The following NLRC5 variants were observed in gnomAD, a reference collection of about 807,000 sequenced individuals.
The protein encoded by NLRC5 is NLR family CARD domain containing 5.
In NLRC5, 114 loss-of-function variants were observed where a neutral mutation model predicts 206.9. The observed-to-expected ratio is 0.55, with a 90% CI of 0.47 to 0.64. NLRC5 has a LOEUF of 0.64. Among genes scored for constraint, NLRC5 ranks in the 30% least tolerant of loss-of-function variants. The probability of loss-of-function intolerance (pLI) is 0.00; values close to 1 mark genes in which losing one functional copy is unlikely to be tolerated. For missense variants in NLRC5, 2,008 were observed against 2,305.5 expected, an observed-to-expected ratio of 0.87 and a Z score of 2.64; for synonymous variants, 952 against 962.8, an observed-to-expected ratio of 0.99 and a Z score of 0.21.
intron 41 of NLRC5, 93 bp from the exon 42 acceptor site, chr16:57,077,626 C>A: frequency 4.7e-6 from 6 of 1,268,354 alleles, no homozygotes; most frequent in Non-Finnish European, 6.6e-6. Flanking sequence ...GTCTCTTAGG[C>A]CCCCTGAAGC....
chr16:57,070,601 G>A lies in NLRC5; in HGVS notation c.4650G>A (p.Trp1550Ter). 5 of 1,614,118 alleles carry A rather than the reference G, an allele frequency of 3.1e-6. No individual in the cohort carries two copies. Among genetic ancestry groups the A allele is most frequent in the Non-Finnish European group, 3.4e-6 (4 of 1,179,984 alleles). The part of the protein sequence containing the change: ...KALMRALEGK[W>*]MLKRLDLSHL... Reference sequence around the variant, plus strand: ...TGATGAGGGCCCTTGAGGGGAAATGGATGCTAAAGAGGCTGGAGTAAGTAG... The same window carrying A: ...TGATGAGGGCCCTTGAGGGGAAATGAATGCTAAAGAGGCTGGAGTAAGTAG... Residue 1550 changes from tryptophan to a stop codon, truncating the protein, a stop_gained, in exon 38 of 49, where the codon TGG (tryptophan) becomes TGA (stop). Coordinates refer to ENST00000688547, the MANE Select transcript of NLRC5 (RefSeq NM_001384950.1). LOFTEE classifies it high-confidence loss of function.
At chr16:57,071,137 A>G (rs542450781) in intron 38 of NLRC5, among the ~76,000 whole-genome samples, 77 of 141,842 alleles carry the variant, frequency 5.4e-4, no homozygotes, top group African/African-American at 2.0e-3. Flanking sequence ...GGGTTGGTTA[A>G]TGGGGAAGTG....
intron 15 of NLRC5, 119 bp downstream of exon 15, chr16:57,037,403 AC>A: frequency 3.4e-6 from 3 of 885,572 alleles, no homozygotes; most frequent in Non-Finnish European, 5.5e-6. Flanking sequence ...CTGCTGTCCC[AC>A]CCAGACCCCG....
intron 32 of NLRC5, 23 bp downstream of exon 32, chr16:57,061,724 C>A: frequency 6.3e-7 from 1 of 1,589,774 alleles, no homozygotes; most frequent in East Asian, 2.2e-5. Flanking sequence ...CCGCTGCCTC[C>A]GGGAGGGGCC....
rs759573936 is a variant in NLRC5, at chr16:57,023,823, C to T, written c.394C>T (p.Arg132Cys). The T allele has an allele frequency of 5.6e-6, 9 of 1,611,944 alleles. No individual in the cohort carries two copies. The highest frequency in any genetic ancestry group is 5.3e-5 in the African/African-American group (4 of 74,908). The change falls in exon 5 of 49, where the codon CGC (arginine) becomes TGC (cysteine). Residue 132 changes from arginine to cysteine, a missense_variant. Coordinates refer to ENST00000688547, the MANE Select transcript of NLRC5 (RefSeq NM_001384950.1). The stretch of plus-strand genomic sequence containing the variant: ...ACATCAGAGCTGTGGGTCCTCACCC[C>T]GCCGGAAGCAGTGCAAGAAGCAGCA... ...RPHQSCGSSPRRKQCKKQQLE... is the reference protein window; with the variant it reads ...RPHQSCGSSPCRKQCKKQQLE...
At chr16:57,081,821 A>C (rs1272637191) in intron 48 of NLRC5, among the ~76,000 whole-genome samples, 1 of 152,256 alleles carries the variant, frequency 6.6e-6, no homozygotes, top group Non-Finnish European at 1.5e-5. Flanking sequence ...GCCATAACTC[A>C]ACCTCTCTGA....
intron 13 of NLRC5, among the ~76,000 whole-genome samples, chr16:57,035,438 C>A (rs754786334): frequency 2.0e-5 from 3 of 152,116 alleles, no homozygotes; most frequent in Non-Finnish European, 2.9e-5. Flanking sequence ...CAGAACCCTG[C>A]CCCCAGCCTC....
chr16:57,025,455 C>T lies in NLRC5; in HGVS notation c.512C>T (p.Ala171Val), dbSNP rs1158717350. The change falls in exon 6 of 49, where the codon GCC (alanine) becomes GTC (valine). Residue 171 changes from alanine (A) to valine (V), a missense_variant. Ala to Val is a moderately conservative substitution (Grantham distance 64). Coordinates refer to ENST00000688547, the MANE Select transcript of NLRC5 (RefSeq NM_001384950.1). ...SQIPGSGQPH[A>V]FHQVYVPPIL... is the part of the protein sequence containing the mutation. ...ATCCCTGGGTCAGGGCAGCCCCACG[C>T]CTTCCACCAGGTCTATGTCCCTCCA... is the stretch of plus-strand genomic sequence containing the variant. 6.2e-7 allele frequency: 1 copy of T among 1,610,540 alleles called. No individual in the cohort carries two copies. Among genetic ancestry groups the T allele is most frequent in the South Asian group, 1.1e-5 (1 of 90,568 alleles).
At position 57,081,091 on chromosome 16, in the gene NLRC5, C is replaced by A. The variant is rs2069084182; in HGVS notation, c.5322-7C>A. ...CTGCCGCTGACTTTGGGACCCCTACCCTGCAGGCTGTCCTGGAATCTCCTC... is the reference window on the plus strand; with the variant it reads ...CTGCCGCTGACTTTGGGACCCCTACACTGCAGGCTGTCCTGGAATCTCCTC... On this transcript the variant is annotated splice_region_variant and splice_polypyrimidine_tract_variant and intron_variant, in intron 46 of 48. Coordinates refer to ENST00000688547, the MANE Select transcript of NLRC5 (RefSeq NM_001384950.1). The A allele has an allele frequency of 5.2e-6, 8 of 1,548,646 alleles. No individual in the cohort carries two copies. Among genetic ancestry groups the A allele is most frequent in the Non-Finnish European group, 5.2e-6 (6 of 1,147,514 alleles).
chr16:57,034,398 TACTATTCAGC>T, intron 13 of NLRC5, 147 bp downstream of exon 13: 1 of 643,816 alleles, frequency 1.6e-6, no homozygotes, highest in Non-Finnish European at 2.8e-6. Context: ...TAACAGCTGC[TACTATTCAGC>T]ACTTGTCCCG....
intron 8 of NLRC5, 29 bp downstream of exon 8, chr16:57,028,414 C>G (rs781274344): frequency 3.2e-6 from 5 of 1,571,932 alleles, no homozygotes; most frequent in Non-Finnish European, 4.4e-6. Context: ...GGCTCACTGA[C>G]TGGGGAGATG....
chr16:57,014,927 C>CTTTCCT (rs1555515207), intron 1 of NLRC5, among the ~76,000 whole-genome samples: 3 of 146,522 alleles, frequency 2.0e-5, no homozygotes, highest in Non-Finnish European at 4.5e-5. Flanking sequence ...TTCCTTTTTC[C>CTTTCCT]TTTTTTTTTT....
At chr16:57,058,542 T>C (rs1432320935) in intron 28 of NLRC5, 1 of 320,618 alleles carries the variant, frequency 3.1e-6, no homozygotes, top group East Asian at 7.0e-5. Context: ...AATGTGGAGA[T>C]GTCCCTGTGG....
chr16:57,006,425 T>TG (rs1236047962), intron 1 of NLRC5, among the ~76,000 whole-genome samples: 3 of 139,518 alleles, frequency 2.2e-5, no homozygotes, highest in African/African-American at 7.9e-5. Flanking sequence ...TTTTTTTTTT[T>TG]TTTTTTTTTT....
At chr16:57,067,921 T>G (rs2067238895) in intron 36 of NLRC5, 93 bp downstream of exon 36, 2 of 1,008,430 alleles carry the variant, frequency 2.0e-6, no homozygotes, top group South Asian at 1.3e-5. Flanking sequence ...AGAGGACTCT[T>G]ACTCTGTGTC....
chr16:57,069,097 C>T (rs2067362610), intron 36 of NLRC5, among the ~76,000 whole-genome samples: 1 of 152,206 alleles, frequency 6.6e-6, no homozygotes, highest in South Asian at 2.1e-4. Context: ...TCTCCACTTG[C>T]AAATTTACTA....
rs775580642 is a variant in NLRC5 at position 57,059,454 on chromosome 16, C to A, written c.3921-13C>A. The A allele has an allele frequency of 2.5e-6, 4 of 1,602,596 alleles. No individual in the cohort carries two copies. The highest frequency in any genetic ancestry group is 1.7e-4 in the Middle Eastern group (1 of 6,004). Reference sequence around the variant, plus strand: ...TCTGGGCACCGTGCTTCCCCAGGCCCTTCTCTCTGCAGCCTGGGCTCTGAG... The same window carrying A: ...TCTGGGCACCGTGCTTCCCCAGGCCATTCTCTCTGCAGCCTGGGCTCTGAG... On this transcript the variant is annotated splice_polypyrimidine_tract_variant and intron_variant, in intron 29 of 48. Coordinates refer to ENST00000688547, the MANE Select transcript of NLRC5 (RefSeq NM_001384950.1).
chr16:57,074,077 A>G (rs1363508682), intron 38 of NLRC5: 1 of 157,376 alleles, frequency 6.4e-6, no homozygotes, highest in African/African-American at 2.4e-5. Context: ...AGTGCTAGCT[A>G]TTGTTATTCT....
At chr16:57,022,948 C>T (rs1208159485) in intron 4 of NLRC5, among the ~76,000 whole-genome samples, 8 of 152,354 alleles carry the variant, frequency 5.3e-5, no homozygotes, top group South Asian at 4.1e-4. Context: ...CCAATAGGCC[C>T]GCATCACTGA....
Sources: gnomAD v4.1 joint callset for allele counts (sites outside exome capture counted in the v4.1 genomes callset) on GRCh38, gnomAD v4.1.1 for gene constraint, MANE v1.5 for transcripts, NCBI Gene and HGNC (gene_info 2026-07-23, HGNC 2026-07-21) for gene names.